The following CD37 variants were observed in gnomAD, a reference collection of about 807,000 sequenced individuals.
The protein encoded by CD37 is leukocyte antigen CD37.
In CD37, 37 loss-of-function variants were observed where a neutral mutation model predicts 38.9. That is an observed-to-expected ratio of 0.95 (90% CI 0.73 to 1.25). The LOEUF (loss-of-function observed/expected upper bound fraction) is 1.25. CD37 is among the 50% of genes most tolerant of loss of function. The pLI, the probability that CD37 is intolerant of heterozygous loss-of-function variation, is 0.00. For synonymous variants in CD37, 146 were observed against 150.1 expected, an observed-to-expected ratio of 0.97 and a Z score of 0.20; for missense variants, 351 against 360.1, an observed-to-expected ratio of 0.97 and a Z score of 0.20.
At position 49,340,356 on chromosome 19, in the gene CD37, GC is replaced by G. The variant is rs764326924; in HGVS notation, c.*33del. The G allele has an allele frequency of 5.3e-6, 7 of 1,327,054 alleles. No homozygotes were observed. Among genetic ancestry groups the G allele is most frequent in the East Asian group, 2.8e-5 (1 of 36,034 alleles). 82.2% of individuals were successfully genotyped at this position (1,327,054 alleles called of 1,614,324 possible). On this transcript the variant is annotated 3_prime_UTR_variant, in exon 8 of 8. Coordinates refer to ENST00000323906, the MANE Select transcript of CD37 (RefSeq NM_001774.3). ...CCCGCCCTCCCCAAAGTCCCGCCCC[GC>G]CCCCGTCACGTGCGCTGGGCACTTC...
chr19:49,338,942 C>T lies in CD37; in HGVS notation c.684+6C>T. 2 of 1,607,938 alleles carry T rather than the reference C, an allele frequency of 1.2e-6. No individual in the cohort carries two copies. Among genetic ancestry groups the T allele is most frequent in the South Asian group, 1.1e-5 (1 of 90,994 alleles). Reference sequence around the variant, plus strand: ...AGAGCCACATCTACCGCGAGGTGGGCAGGGGTTCGGAGCATAAACCTGTCG... The same window carrying T: ...AGAGCCACATCTACCGCGAGGTGGGTAGGGGTTCGGAGCATAAACCTGTCG... On this transcript the variant is annotated splice_donor_region_variant and intron_variant, in intron 6 of 7. Coordinates refer to ENST00000323906, the MANE Select transcript of CD37 (RefSeq NM_001774.3). This position sits in a 1 kb window ranked among gnomAD's most constrained non-coding sequence, Gnocchi z 5.0.
At chr19:49,337,671 C>T in intron 4 of CD37, 1 of 1,523,680 alleles carries the variant, frequency 6.6e-7, no homozygotes, top group African/African-American at 1.4e-5. Flanking sequence ...TAAACAGCTC[C>T]AAAGGGAAAC....
rs1388055472 is a variant in CD37, at chr19:49,340,361, C to T, written c.*33C>T. The T allele has an allele frequency of 7.1e-7, 1 of 1,416,212 alleles. No individual in the cohort carries two copies. The highest frequency in any genetic ancestry group is 1.0e-6 in the Non-Finnish European group (1 of 1,001,250). 87.7% of individuals were successfully genotyped at this position (1,416,212 alleles called of 1,614,324 possible). On this transcript the variant is annotated 3_prime_UTR_variant, in exon 8 of 8. Coordinates refer to ENST00000323906, the MANE Select transcript of CD37 (RefSeq NM_001774.3). Reference sequence around the variant, plus strand: ...CCTCCCCAAAGTCCCGCCCCGCCCCCGTCACGTGCGCTGGGCACTTCCCTG... The same window carrying T: ...CCTCCCCAAAGTCCCGCCCCGCCCCTGTCACGTGCGCTGGGCACTTCCCTG...
In CD37 at chr19:49,339,120, C is replaced by G. The variant is rs73588327; in HGVS notation, c.684+184C>G. Among the ~76,000 whole-genome samples the G allele has an allele frequency of 0.034, 5,158 of 152,052 alleles. 304 individuals are homozygous for G. The highest frequency in any genetic ancestry group is 0.12 in the African/African-American group (4,875 of 41,408). Reference sequence around the variant, plus strand: ...GGAAGGGCAGGGCCTAAAGAAAAGGCTGGGCTGGCTCTGGAATACAGATGT... The same window carrying G: ...GGAAGGGCAGGGCCTAAAGAAAAGGGTGGGCTGGCTCTGGAATACAGATGT... On this transcript the variant is annotated intron_variant, in intron 6 of 7. Transcript: ENST00000323906. The surrounding 1 kb of genome is among the most constrained non-coding windows in gnomAD (Gnocchi z 4.5).
At position 49,339,733 on chromosome 19, in the gene CD37, G is replaced by A; in HGVS notation, c.768+320G>A. 1 of 1,399,110 alleles carries A rather than the reference G, an allele frequency of 7.1e-7. No homozygotes were observed. The highest frequency in any genetic ancestry group is 9.2e-7 in the Non-Finnish European group (1 of 1,081,482). The allele number at this position is 1,399,110 out of a possible 1,614,324, so 86.7% of individuals were successfully genotyped here. A position where few individuals can be genotyped will look rare whatever the true frequency, so the allele number is the denominator to read the frequency against. On this transcript the variant is annotated intron_variant, in intron 7 of 7. Coordinates refer to ENST00000323906, the MANE Select transcript of CD37 (RefSeq NM_001774.3). The surrounding 1 kb of genome is among the most constrained non-coding windows in gnomAD (Gnocchi z 4.5). The stretch of plus-strand genomic sequence containing the variant: ...GAAATGCGAGCCGCACGTGCCGGGC[G>A]CTGGGGATTCGAGCCCCGGGCCCAG...
chr19:49,335,663 C>A lies in CD37; in HGVS notation c.70-51C>A, dbSNP rs770752148. ...GGCCCAGCCCCTGCCGCTAACCCAGCCCTCATCTTCCCCTGTGGCCCACCC... is the reference window on the plus strand; with the variant it reads ...GGCCCAGCCCCTGCCGCTAACCCAGACCTCATCTTCCCCTGTGGCCCACCC... On this transcript the variant is annotated intron_variant, in intron 1 of 7. Coordinates refer to ENST00000323906, the MANE Select transcript of CD37 (RefSeq NM_001774.3). The surrounding 1 kb of genome is among the most constrained non-coding windows in gnomAD (Gnocchi z 4.6). The A allele has an allele frequency of 1.2e-6, 2 of 1,608,164 alleles. No homozygotes were observed. The highest frequency in any genetic ancestry group is 1.7e-6 in the Non-Finnish European group (2 of 1,174,758).
Position 49,335,809 on chromosome 19 carries a change from G to A in CD37, c.142+23G>A, listed in dbSNP as rs1245085257. The A allele has an allele frequency of 6.3e-7, 1 of 1,591,408 alleles. No homozygotes were observed. Among genetic ancestry groups the A allele is most frequent in the Non-Finnish European group, 8.6e-7 (1 of 1,160,448 alleles). On this transcript the variant is annotated intron_variant, in intron 2 of 7. Coordinates refer to ENST00000323906, the MANE Select transcript of CD37 (RefSeq NM_001774.3). This position sits in a 1 kb window ranked among gnomAD's most constrained non-coding sequence, Gnocchi z 4.6. ...TGGGTGAGGGGGGCTGGGGCAGGTG[G>A]GAGGGCCTCCCCCAACCCAAGCAAC...
In CD37 at chr19:49,335,453, T is replaced by G. The variant is rs1419303635; in HGVS notation, c.-88T>G. The G allele has an allele frequency of 9.5e-6, 9 of 948,092 alleles. No homozygotes were observed. Among genetic ancestry groups the G allele is most frequent in the Non-Finnish European group, 1.4e-5 (8 of 590,344 alleles). The allele number at this position is 948,092 out of a possible 1,614,324, so 58.7% of individuals were successfully genotyped here. Reference sequence around the variant, plus strand: ...TCTCTCAGCTCTCCGTCTCTCTTTCTCTCTCAGCCTCTTTCTTTCTCCCTG... The same window carrying G: ...TCTCTCAGCTCTCCGTCTCTCTTTCGCTCTCAGCCTCTTTCTTTCTCCCTG... On this transcript the variant is annotated 5_prime_UTR_variant, in exon 1 of 8. Transcript: ENST00000323906. This position sits in a 1 kb window ranked among gnomAD's most constrained non-coding sequence, Gnocchi z 4.6.
At position 49,338,026 on chromosome 19, in the gene CD37, C is replaced by T. The variant is rs778729121; in HGVS notation, c.444C>T (p.Phe148=). 6.8e-6 allele frequency: 11 copies of T among 1,613,772 alleles called. No individual in the cohort carries two copies. The East Asian group carries it at 2.5e-4, about 36-fold the overall frequency. ...AAEESWDYVQ[F]QLRCCGWHYP... ...AGGAGAGCTGGGACTATGTGCAGTTCCAGGTAAGCCCCCCTCCTCCAGTTC... is the reference window on the plus strand; with the variant it reads ...AGGAGAGCTGGGACTATGTGCAGTTTCAGGTAAGCCCCCCTCCTCCAGTTC... The change falls in exon 5 of 8, where the codon TTC becomes TTT. Residue 148 remains phenylalanine, a synonymous_variant. Transcript: ENST00000323906. This position sits in a 1 kb window ranked among gnomAD's most constrained non-coding sequence, Gnocchi z 5.0.
chr19:49,337,988 G>C lies in CD37; in HGVS notation c.406G>C (p.Glu136Gln). ...CCAAAAGTACGGCACCAACCCCGAG[G>C]AGACCGCGGCCGAGGAGAGCTGGGA... is the stretch of plus-strand genomic sequence containing the variant. ...TIQKYGTNPE[E>Q]TAAEESWDYV... The change falls in exon 5 of 8, where the codon GAG (glutamate) becomes CAG (glutamine). Residue 136 changes from glutamate to glutamine, a missense_variant. Glu to Gln is a conservative substitution (Grantham distance 29). Transcript: ENST00000323906. 1 of 1,614,086 alleles carries C rather than the reference G, an allele frequency of 6.2e-7. No individual in the cohort carries two copies. Among genetic ancestry groups the C allele is most frequent in the East Asian group, 2.2e-5 (1 of 44,870 alleles).
In CD37 at chr19:49,338,025, T is replaced by C. The variant is rs201304662; in HGVS notation, c.443T>C (p.Phe148Ser). ...GAGGAGAGCTGGGACTATGTGCAGT[T>C]CCAGGTAAGCCCCCCTCCTCCAGTT... is the stretch of plus-strand genomic sequence containing the variant. ...AAEESWDYVQ[F>S]QLRCCGWHYP... The change falls in exon 5 of 8, where the codon TTC becomes TCC. Residue 148 changes from phenylalanine (F) to serine (S), a missense_variant. Transcript: ENST00000323906. This position sits in a 1 kb window ranked among gnomAD's most constrained non-coding sequence, Gnocchi z 5.0. 62 of 1,613,762 alleles carry C rather than the reference T, an allele frequency of 3.8e-5. No individual in the cohort carries two copies. Among genetic ancestry groups the C allele is most frequent in the Admixed American group, 3.5e-4 (21 of 59,996 alleles).
At position 49,336,545 on chromosome 19, in the gene CD37, G is replaced by A. The variant is rs575840132; in HGVS notation, c.143-364G>A. The stretch of plus-strand genomic sequence containing the variant: ...TGCACTCCAGCCTGGGGGACAGAGC[G>A]AGGCTCCAACTCAAAAAAAAACCCT... On this transcript the variant is annotated intron_variant, in intron 2 of 7. Transcript: ENST00000323906. The A allele has an allele frequency of 1.0e-3, 210 of 200,450 alleles. 1 individual carries two copies. The highest frequency in any genetic ancestry group is 3.8e-3 in the African/African-American group (164 of 42,830). The allele number at this position is 200,450 out of a possible 1,614,324, so 12.4% of individuals were successfully genotyped here.
At position 49,338,793 on chromosome 19, in the gene CD37, T is replaced by A. The variant is rs779967772; in HGVS notation, c.541T>A (p.Cys181Ser). The A allele has an allele frequency of 1.9e-6, 3 of 1,614,074 alleles. No homozygotes were observed. Among genetic ancestry groups the A allele is most frequent in the Non-Finnish European group, 2.5e-6 (3 of 1,180,040 alleles). ...GGAGGCGCACCGCGTGCCCTGCTCC[T>A]GCTACAACTTGTCGGCGACCAACGA... ...GSEAHRVPCS[C>S]YNLSATNDST... is the part of the protein sequence containing the mutation. The change falls in exon 6 of 8, where the codon TGC becomes AGC. Residue 181 changes from cysteine (C) to serine (S), a missense_variant. Coordinates refer to ENST00000323906, the MANE Select transcript of CD37 (RefSeq NM_001774.3). The surrounding 1 kb of genome is among the most constrained non-coding windows in gnomAD (Gnocchi z 5.0).
rs1364482457 is a variant in CD37, at chr19:49,338,573, C to T, written c.448-127C>T. On this transcript the variant is annotated intron_variant, in intron 5 of 7. Transcript: ENST00000323906. This position sits in a 1 kb window ranked among gnomAD's most constrained non-coding sequence, Gnocchi z 5.0. ...CCCATCGTGACCCCAGCCCACTGTCCCCCACTCCACACCCACCACTTAGTC... is the reference window on the plus strand; with the variant it reads ...CCCATCGTGACCCCAGCCCACTGTCTCCCACTCCACACCCACCACTTAGTC... 1.4e-6 allele frequency: 1 copy of T among 714,472 alleles called. No homozygotes were observed. The highest frequency in any genetic ancestry group is 1.7e-5 in the African/African-American group (1 of 57,700). The allele number at this position is 714,472 out of a possible 1,614,324, so 44.3% of individuals were successfully genotyped here.
rs560379181 is a variant in CD37, at chr19:49,340,476, C to T, written c.*148C>T. On this transcript the variant is annotated 3_prime_UTR_variant, in exon 8 of 8. Coordinates refer to ENST00000323906, the MANE Select transcript of CD37 (RefSeq NM_001774.3). ...GGACCCACGTGGCTGCGTGCCCCTG[C>T]TGCTGTCACCTCTCCCACGGGACCT... is the stretch of plus-strand genomic sequence containing the variant. The T allele has an allele frequency of 1.6e-5, 11 of 677,940 alleles. No individual in the cohort carries two copies. The highest frequency in any genetic ancestry group is 2.9e-5 in the Non-Finnish European group (11 of 373,158). The allele number at this position is 677,940 out of a possible 1,614,324, so 42.0% of individuals were successfully genotyped here.
rs1331940174 is a variant in CD37 at position 49,338,708 on chromosome 19, C to T, written c.456C>T (p.Cys152=). ...TCGTATCCCTCTCCCAGCTGCGCTGCTGCGGCTGGCACTACCCGCAGGACT... is the reference window on the plus strand; with the variant it reads ...TCGTATCCCTCTCCCAGCTGCGCTGTTGCGGCTGGCACTACCCGCAGGACT... The part of the protein sequence containing the change: ...SWDYVQFQLR[C]CGWHYPQDWF... The change falls in exon 6 of 8, where the codon TGC becomes TGT. Residue 152 remains cysteine (C), a synonymous_variant. Coordinates refer to ENST00000323906, the MANE Select transcript of CD37 (RefSeq NM_001774.3). The surrounding 1 kb of genome is among the most constrained non-coding windows in gnomAD (Gnocchi z 5.0). 1 of 1,610,612 alleles carries T rather than the reference C, an allele frequency of 6.2e-7. No individual in the cohort carries two copies. Among genetic ancestry groups the T allele is most frequent in the Non-Finnish European group, 8.5e-7 (1 of 1,178,932 alleles).
rs757794008 is a variant in CD37 at position 49,335,635 on chromosome 19, C to T, written c.69+26C>T. 84 of 1,610,576 alleles carry T rather than the reference C, an allele frequency of 5.2e-5. No individual in the cohort carries two copies. The East Asian group carries it at 1.3e-3, about 25-fold the overall frequency. On this transcript the variant is annotated intron_variant, in intron 1 of 7. Coordinates refer to ENST00000323906, the MANE Select transcript of CD37 (RefSeq NM_001774.3). This position sits in a 1 kb window ranked among gnomAD's most constrained non-coding sequence, Gnocchi z 4.6. ...GTGAGTTGCCTCATGGCTACCCAGC[C>T]GGGGCCCAGCCCCTGCCGCTAACCC...
Position 49,335,764 on chromosome 19 carries a change from G to C in CD37, c.120G>C (p.Lys40Asn). Reference protein sequence around the residue: ...FCFGIWILIDKTSFVSFVGLA... With the variant: ...FCFGIWILIDNTSFVSFVGLA... ...TCGGCATCTGGATCCTCATTGACAA[G>C]ACCAGCTTCGTGTCCTTTGTGGGTG... The change falls in exon 2 of 8, where the codon AAG becomes AAC. Residue 40 changes from lysine to asparagine, a missense_variant. Coordinates refer to ENST00000323906, the MANE Select transcript of CD37 (RefSeq NM_001774.3). The surrounding 1 kb of genome is among the most constrained non-coding windows in gnomAD (Gnocchi z 4.6). 6.2e-7 allele frequency: 1 copy of C among 1,610,964 alleles called. No individual in the cohort carries two copies. The highest frequency in any genetic ancestry group is 1.3e-5 in the African/African-American group (1 of 74,940).
rs368729573 is a variant in CD37 at position 49,337,006 on chromosome 19, C to T, written c.240C>T (p.Leu80=). 6.2e-7 allele frequency: 1 copy of T among 1,613,514 alleles called. No individual in the cohort carries two copies. Among genetic ancestry groups the T allele is most frequent in the South Asian group, 1.1e-5 (1 of 90,992 alleles). The part of the protein sequence containing the change: ...GIALLGCVGA[L]KELRCLLGLY... ...CCCTCCTGGGTTGTGTGGGGGCCCT[C>T]AAGGAGCTCCGCTGCCTCCTGGGCC... is the stretch of plus-strand genomic sequence containing the variant. The change falls in exon 3 of 8, where the codon CTC becomes CTT. Residue 80 remains leucine (L), a synonymous_variant. Transcript: ENST00000323906.
Sources: allele counts gnomAD v4.1 joint callset (sites outside exome capture counted in the v4.1 genomes callset), GRCh38; gene constraint gnomAD v4.1.1; non-coding constraint Gnocchi (gnomAD v3.1); transcripts MANE v1.5; gene names NCBI Gene and HGNC (gene_info 2026-07-23, HGNC 2026-07-21).